NEGR1: variants seen among roughly 807,000 people sequenced by gnomAD.
The protein encoded by NEGR1 is neuronal growth regulator 1, also known as IgLON family member 4.
NEGR1 carries 10 observed loss-of-function variants against 40.9 expected under a neutral mutation model. The observed-to-expected ratio is 0.24, with a 90% CI of 0.15 to 0.42. The LOEUF (loss-of-function observed/expected upper bound fraction) is 0.42, where lower values mean the gene tolerates loss of function less well. Among genes scored for constraint, NEGR1 ranks in the 10% least tolerant of loss-of-function variants. The pLI is 1.00. For missense variants in NEGR1, 352 were observed against 438.9 expected (o/e 0.80, Z 1.77); for synonymous variants, 185 against 166.8 (o/e 1.11, Z -0.84).
chr1:71,921,495 A>C (rs1645717068), intron 2 of NEGR1, among the ~76,000 whole-genome samples: 3 of 152,216 alleles, frequency 2.0e-5, no homozygotes, highest in South Asian at 2.1e-4. Context: ...TTCAATGTGA[A>C]GATGAGCATA....
intron 6 of NEGR1, among the ~76,000 whole-genome samples, chr1:71,409,680 C>T (rs981079752): frequency 1.3e-5 from 2 of 152,048 alleles, no homozygotes; most frequent in Non-Finnish European, 2.9e-5. Context: ...CAGATTTAAA[C>T]TCTTCTAGGT....
chr1:71,626,399 C>T (rs1203288000), intron 4 of NEGR1, among the ~76,000 whole-genome samples: 2 of 125,306 alleles, frequency 1.6e-5, no homozygotes, highest in Non-Finnish European at 3.2e-5. Flanking sequence ...GTGTGATGTT[C>T]CCCTTCCTAT....
At chr1:71,822,506 T>A (rs1428056943) in intron 2 of NEGR1, among the ~76,000 whole-genome samples, 2 of 151,874 alleles carry the variant, frequency 1.3e-5, no homozygotes, top group Non-Finnish European at 2.9e-5. Context: ...CGGCATCAGC[T>A]CCCACTTGTC....
At chr1:72,187,689 TTAA>T (rs777076602) in intron 1 of NEGR1, among the ~76,000 whole-genome samples, 2 of 151,172 alleles carry the variant, frequency 1.3e-5, no homozygotes, top group African/African-American at 2.4e-5. Flanking sequence ...AGGTATAACA[TTAA>T]TAATAATAAT....
chr1:71,940,772 T>C (rs117476545), intron 1 of NEGR1, among the ~76,000 whole-genome samples: 1 of 152,124 alleles, frequency 6.6e-6, no homozygotes, highest in Non-Finnish European at 1.5e-5. Context: ...AAGGTGGACA[T>C]CAGAGAGTGT....
rs199696604 is a variant in NEGR1, at chr1:71,948,971, G to GA, written c.177-13661dup. On this transcript the variant is annotated intron_variant, in intron 1 of 6. Transcript: ENST00000357731. ...CACTCTAAAAAGTTAACCTGAAGAGGAAAAAAAATACACTATCACTCTAAA... is the reference window on the plus strand; with the variant it reads ...CACTCTAAAAAGTTAACCTGAAGAGGAAAAAAAAATACACTATCACTCTAAA... Among the ~76,000 whole-genome samples the GA allele has an allele frequency of 1.2e-4, 18 of 151,634 alleles. No individual in the cohort carries two copies. In the East Asian group the frequency reaches 2.9e-3, roughly 24 times the overall value.
At chr1:72,248,575 T>TTTTTTATTA (rs376504975) in intron 1 of NEGR1, among the ~76,000 whole-genome samples, 96 of 132,942 alleles carry the variant, frequency 7.2e-4, no homozygotes, top group South Asian at 9.9e-4. Context: ...TCTATTTTTA[T>TTTTTTATTA]TTATTATTAT....
chr1:72,016,374 G>A (rs1429636480), intron 1 of NEGR1, among the ~76,000 whole-genome samples: 1 of 152,116 alleles, frequency 6.6e-6, no homozygotes. Flanking sequence ...ACTCTTTTAA[G>A]GTGGTACAAT....
chr1:72,040,226 C>T (rs888105623), intron 1 of NEGR1, among the ~76,000 whole-genome samples: 33 of 151,746 alleles, frequency 2.2e-4, no homozygotes, highest in Non-Finnish European at 3.7e-4. Context: ...CCCCGAATCC[C>T]GCATCGTAAC....
chr1:71,473,802 G>A (rs1368460366), intron 6 of NEGR1, among the ~76,000 whole-genome samples: 2 of 151,896 alleles, frequency 1.3e-5, no homozygotes, highest in African/African-American at 4.8e-5. Flanking sequence ...AAACAAAAGA[G>A]CTCCAAATTC....
At chr1:71,689,776 G>A (rs492016) in intron 4 of NEGR1, among the ~76,000 whole-genome samples, 148,592 of 151,126 alleles carry the variant, frequency 0.98, 73,090 homozygotes, top group Middle Eastern at 1. Context: ...GAATAATATG[G>A]CAGTCACAAA....
At chr1:71,972,895 C>T (rs1436262481) in intron 1 of NEGR1, among the ~76,000 whole-genome samples, 2 of 152,014 alleles carry the variant, frequency 1.3e-5, no homozygotes, top group Non-Finnish European at 2.9e-5. Context: ...GCAATAAACA[C>T]GGTTTTAAAT....
chr1:71,580,695 T>A (rs947759001), intron 6 of NEGR1, among the ~76,000 whole-genome samples: 12 of 152,110 alleles, frequency 7.9e-5, no homozygotes, highest in Admixed American at 1.3e-4. Context: ...AATGTATAAA[T>A]CCCTACCAGG....
chr1:71,762,338 G>T (rs1437696922), intron 3 of NEGR1, among the ~76,000 whole-genome samples: 1 of 151,420 alleles, frequency 6.6e-6, no homozygotes, highest in Non-Finnish European at 1.5e-5. Context: ...TAAATTACAT[G>T]TAAATGGTTT....
rs559630255 is a variant in NEGR1, at chr1:72,274,658, T to G, written c.176+7661A>C. 1.6e-5 allele frequency: 14 copies of G among 876,880 alleles called. No homozygotes were observed. The East Asian group carries it at 3.4e-4, about 21-fold the overall frequency. 54.3% of individuals were successfully genotyped at this position (876,880 alleles called of 1,614,324 possible). On this transcript the variant is annotated intron_variant, in intron 1 of 6. Transcript: ENST00000357731. The stretch of plus-strand genomic sequence containing the variant: ...CAAGGATTTGCAAGGCTAAGTGCTA[T>G]TTATGGAGGTACCTATATGCTGAAA...
chr1:71,776,155 A>G lies in NEGR1; in HGVS notation c.535+17T>C, dbSNP rs1266706217. ...AAAATGAACAGCACAAACAACACTA[A>G]TGCATTCCTACTTTACCTGATGGGG... On this transcript the variant is annotated intron_variant, in intron 3 of 6. Coordinates refer to ENST00000357731, the MANE Select transcript of NEGR1 (RefSeq NM_173808.3). 1 of 1,603,778 alleles carries G rather than the reference A, an allele frequency of 6.2e-7. No individual in the cohort carries two copies. Among genetic ancestry groups the G allele is most frequent in the Non-Finnish European group, 8.5e-7 (1 of 1,173,880 alleles).
rs36097070 is a variant in NEGR1 at position 71,579,603 on chromosome 1, A to ATTTT, written c.940+13210_940+13213dup. On this transcript the variant is annotated intron_variant, in intron 6 of 6. Transcript: ENST00000357731. ...ATACAAAATAATACAACTACTTAAG[A>ATTTT]TTTTTTTTTTTTTTTTTGTAGTGGA... Among the ~76,000 whole-genome samples the ATTTT allele has an allele frequency of 1.9e-4, 26 of 138,872 alleles. No individual in the cohort carries two copies. The East Asian group carries it at 1.9e-3, about 10-fold the overall frequency. The allele number at this position is 138,872 out of a possible 152,430, so 91.1% of individuals were successfully genotyped here.
intron 6 of NEGR1, among the ~76,000 whole-genome samples, chr1:71,460,838 C>A (rs911023688): frequency 6.6e-6 from 1 of 152,058 alleles, no homozygotes; most frequent in African/African-American, 2.4e-5. Flanking sequence ...AATGCTTTTG[C>A]CTACTTTGCA....
chr1:72,175,879 G>A (rs1652146166), intron 1 of NEGR1, among the ~76,000 whole-genome samples: 1 of 152,006 alleles, frequency 6.6e-6, no homozygotes, highest in Non-Finnish European at 1.5e-5. Context: ...TTGCATTGAG[G>A]CATGGACATT....
Sources: gnomAD v4.1 joint callset for allele counts (sites outside exome capture counted in the v4.1 genomes callset) on GRCh38, gnomAD v4.1.1 for gene constraint, MANE v1.5 for transcripts, NCBI Gene and HGNC (gene_info 2026-07-23, HGNC 2026-07-21) for gene names.